The following UNC13C variants were observed in gnomAD, a reference collection of about 807,000 sequenced individuals.
UNC13C encodes protein unc-13 homolog C.
A neutral mutation model predicts 245.4 loss-of-function variants in UNC13C; 174 were observed. The ratio of observed to expected loss-of-function variants is 0.71; its 90% CI spans 0.63 to 0.80. The LOEUF (loss-of-function observed/expected upper bound fraction) is 0.80. Ranked by LOEUF, UNC13C falls within the 30% of genes least tolerant of loss-of-function variation. UNC13C has a pLI of 0.00. For synonymous variants in UNC13C, 992 were observed against 895.1 expected, an observed-to-expected ratio of 1.11 and a Z score of -1.93; for missense variants, 2,829 against 2,602.9, an observed-to-expected ratio of 1.09 and a Z score of -1.89.
intron 20 of UNC13C, among the ~76,000 whole-genome samples, chr15:54,498,238 T>C (rs1465032123): frequency 6.6e-6 from 1 of 152,048 alleles, no homozygotes; most frequent in Non-Finnish European, 1.5e-5. Flanking sequence ...AAAATACATA[T>C]TGTTATTAGG....
At chr15:54,024,935 T>A (rs1270178572) in intron 2 of UNC13C, among the ~76,000 whole-genome samples, 1 of 118,740 alleles carries the variant, frequency 8.4e-6, no homozygotes, top group African/African-American at 2.7e-5. Context: ...AAATAAAAAA[T>A]AATAAAAAAA....
chr15:53,950,576 C>A, the UNC13C span, among the ~76,000 whole-genome samples: 1 of 152,116 alleles, frequency 6.6e-6, no homozygotes, highest in Admixed American at 6.6e-5. Context: ...AAGGTGTCAA[C>A]TGATACTCCA....
At chr15:54,215,077 T>G (rs1027462059) in intron 4 of UNC13C, among the ~76,000 whole-genome samples, 2 of 151,664 alleles carry the variant, frequency 1.3e-5, no homozygotes, top group African/African-American at 4.8e-5. Context: ...GGGAGTAAGG[T>G]TTTTGGTATA....
chr15:54,624,351 G>C (rs983711158), intron 32 of UNC13C, among the ~76,000 whole-genome samples: 5 of 152,106 alleles, frequency 3.3e-5, no homozygotes, highest in African/African-American at 1.2e-4. Context: ...ACTGAAACCT[G>C]TCCAAATAAA....
chr15:54,159,094 G>T (rs887368458), intron 4 of UNC13C, among the ~76,000 whole-genome samples: 1 of 152,146 alleles, frequency 6.6e-6, no homozygotes, highest in African/African-American at 2.4e-5. Context: ...ACAGATCTTG[G>T]CACTGCTTAG....
intron 17 of UNC13C, among the ~76,000 whole-genome samples, chr15:54,366,419 GA>G (rs1229273131): frequency 6.6e-6 from 1 of 151,754 alleles, no homozygotes; most frequent in South Asian, 2.1e-4. Context: ...AAATCCCCAG[GA>G]AAAAAAGCAT....
At chr15:54,341,784 G>A (rs1198160906) in intron 17 of UNC13C, among the ~76,000 whole-genome samples, 1 of 152,006 alleles carries the variant, frequency 6.6e-6, no homozygotes, top group East Asian at 1.9e-4. Context: ...AGACCATCCT[G>A]GCTAACACAA....
chr15:54,582,127 G>A (rs1898229686), intron 30 of UNC13C, among the ~76,000 whole-genome samples: 1 of 152,152 alleles, frequency 6.6e-6, no homozygotes, highest in African/African-American at 2.4e-5. Context: ...AGGCCTTTTG[G>A]AAAACAGTTT....
At chr15:54,577,579 C>A (rs1485693755) in intron 30 of UNC13C, among the ~76,000 whole-genome samples, 2 of 152,138 alleles carry the variant, frequency 1.3e-5, no homozygotes, top group African/African-American at 2.4e-5. Flanking sequence ...TCTCCAGGCT[C>A]CCTCTGGACA....
At chr15:54,615,635 G>A (rs1900380760) in intron 30 of UNC13C, among the ~76,000 whole-genome samples, 1 of 152,092 alleles carries the variant, frequency 6.6e-6, no homozygotes, top group Admixed American at 6.6e-5. Context: ...GATAGGTCAA[G>A]TCAAATAGAT....
At chr15:54,030,065 T>G (rs1351484672) in intron 2 of UNC13C, among the ~76,000 whole-genome samples, 1 of 152,186 alleles carries the variant, frequency 6.6e-6, no homozygotes, top group Admixed American at 6.5e-5. Flanking sequence ...CCCTATTGTC[T>G]GCTGCTGCAG....
the UNC13C span, among the ~76,000 whole-genome samples, chr15:53,864,048 C>G: frequency 6.8e-4 from 104 of 152,274 alleles, 3 homozygotes; most frequent in East Asian, 0.014. Flanking sequence ...TGTACATACA[C>G]TTTTTTGGCT....
At chr15:54,352,564 T>C (rs1353797157) in intron 17 of UNC13C, among the ~76,000 whole-genome samples, 1 of 151,786 alleles carries the variant, frequency 6.6e-6, no homozygotes, top group South Asian at 2.1e-4. Context: ...GTCAGAACAG[T>C]GTCAAACAGA....
chr15:53,870,677 G>T, the UNC13C span, among the ~76,000 whole-genome samples: 1 of 152,144 alleles, frequency 6.6e-6, no homozygotes, highest in African/African-American at 2.4e-5. Flanking sequence ...CCAGGCAAGA[G>T]TTCAGCACTT....
intron 17 of UNC13C, among the ~76,000 whole-genome samples, chr15:54,359,737 C>T (rs923781203): frequency 2.6e-5 from 4 of 151,750 alleles, no homozygotes; most frequent in Admixed American, 2.6e-4. Context: ...TTTGAGTCTT[C>T]TCTCTTTTGT....
intron 17 of UNC13C, among the ~76,000 whole-genome samples, chr15:54,368,958 C>A (rs1388454862): frequency 6.6e-6 from 1 of 151,908 alleles, no homozygotes; most frequent in African/African-American, 2.4e-5. Context: ...CCATGTTAAA[C>A]AATTGTAGAT....
chr15:54,059,337 C>G (rs1267284918), intron 2 of UNC13C, among the ~76,000 whole-genome samples: 1 of 152,042 alleles, frequency 6.6e-6, no homozygotes, highest in Non-Finnish European at 1.5e-5. Flanking sequence ...AACAGAGAGC[C>G]AAATCATGAG....
chr15:54,631,144 G>A (rs12913978), downstream of UNC13C: 47,898 of 151,904 alleles, frequency 0.32, 9,088 homozygotes, highest in East Asian at 0.64. Context: ...TTAGAAGTTC[G>A]AGACCAGCCT....
At chr15:54,412,689 A>G (rs192789777) in intron 18 of UNC13C, among the ~76,000 whole-genome samples, 187 of 152,314 alleles carry the variant, frequency 1.2e-3, no homozygotes, top group African/African-American at 4.4e-3. Context: ...TTTTCTATGC[A>G]GACAATTTTT....
Sources: gnomAD v4.1 joint callset for allele counts (sites outside exome capture counted in the v4.1 genomes callset) on GRCh38, gnomAD v4.1.1 for gene constraint, MANE v1.5 for transcripts, NCBI Gene and HGNC (gene_info 2026-07-23, HGNC 2026-07-21) for gene names.